KHDRBS2: variants seen among roughly 807,000 people sequenced by gnomAD.
The protein encoded by KHDRBS2 is KH domain-containing, RNA-binding, signal transduction-associated protein 2.
A neutral mutation model predicts 44.3 loss-of-function variants in KHDRBS2; 26 were observed. The ratio of observed to expected loss-of-function variants is 0.59; its 90% CI spans 0.43 to 0.81. KHDRBS2 has a LOEUF of 0.81. Ranked by LOEUF, KHDRBS2 falls within the 40% of genes least tolerant of loss-of-function variation. The pLI, the probability that KHDRBS2 is intolerant of heterozygous loss-of-function variation, is 0.00. For missense variants in KHDRBS2, 476 were observed against 433.1 expected, an observed-to-expected ratio of 1.10 and a Z score of -0.88; for synonymous variants, 194 against 151.1, an observed-to-expected ratio of 1.28 and a Z score of -2.08.
intron 3 of KHDRBS2, among the ~76,000 whole-genome samples, chr6:62,029,790 T>A (rs1288439996): frequency 6.6e-6 from 1 of 152,010 alleles, no homozygotes; most frequent in Non-Finnish European, 1.5e-5. Context: ...GAAGCACTTA[T>A]ATAAGACATT....
chr6:61,880,667 G>A (rs1450269974), intron 6 of KHDRBS2, among the ~76,000 whole-genome samples: 1 of 151,782 alleles, frequency 6.6e-6, no homozygotes, highest in Non-Finnish European at 1.5e-5. Context: ...AATGAGTAAG[G>A]AGCTACTTTT....
chr6:62,215,254 C>G (rs1484744061), intron 1 of KHDRBS2, among the ~76,000 whole-genome samples: 5 of 151,908 alleles, frequency 3.3e-5, no homozygotes, highest in Non-Finnish European at 5.9e-5. Context: ...CCCCCCTCAC[C>G]TACCCACATG....
intron 3 of KHDRBS2, among the ~76,000 whole-genome samples, chr6:61,998,996 C>A (rs1470265034): frequency 6.6e-6 from 1 of 151,940 alleles, no homozygotes; most frequent in Non-Finnish European, 1.5e-5. Flanking sequence ...TTTGTGTTTT[C>A]TTTGCCTACA....
rs1408778899 is a variant in KHDRBS2 at position 61,848,523 on chromosome 6, A to ACG, written c.810+46111_810+46112insCG. Reference sequence around the variant, plus strand: ...TATATATATATATGTATATATGTATATATATATACATATATATGTATATAT... The same window carrying ACG: ...TATATATATATATGTATATATGTATACGTATATATACATATATATGTATATAT... On this transcript the variant is annotated intron_variant, in intron 6 of 8. Transcript: ENST00000281156. Among the ~76,000 whole-genome samples the ACG allele has an allele frequency of 1.0e-4, 6 of 57,942 alleles. No homozygotes were observed. The South Asian group carries it at 2.9e-3, about 28-fold the overall frequency. The allele number at this position is 57,942 out of a possible 152,430, so 38.0% of individuals were successfully genotyped here.
intron 6 of KHDRBS2, among the ~76,000 whole-genome samples, chr6:61,768,820 G>T (rs1332832452): frequency 6.6e-6 from 1 of 151,978 alleles, no homozygotes; most frequent in African/African-American, 2.4e-5. Flanking sequence ...TGATTTTTTG[G>T]TCTTATAAAA....
At chr6:61,584,960 A>AT in the KHDRBS2 span, among the ~76,000 whole-genome samples, 13 of 151,812 alleles carry the variant, frequency 8.6e-5, no homozygotes, top group Admixed American at 1.3e-4. Flanking sequence ...GACACTTGAG[A>AT]TTTTTTCTAT....
At chr6:61,894,538 T>C (rs1802553992) in intron 6 of KHDRBS2, 97 bp downstream of exon 6, 1 of 930,066 alleles carries the variant, frequency 1.1e-6, no homozygotes, top group African/African-American at 1.7e-5. Flanking sequence ...CAACAAACAT[T>C]ACCTGCTATA....
chr6:61,863,856 T>A lies in KHDRBS2; in HGVS notation c.810+30779A>T, dbSNP rs575047128. Among the ~76,000 whole-genome samples, 16 of 152,326 alleles carry A rather than the reference T, an allele frequency of 1.1e-4. No homozygotes were observed. In the East Asian group the frequency reaches 3.1e-3, roughly 29 times the overall value. On this transcript the variant is annotated intron_variant, in intron 6 of 8. Transcript: ENST00000281156. ...TATCTTTGCTAATGTTCAGACTCAA[T>A]GATCTGTCTAACATTGTTAGTAGGA...
At chr6:61,583,136 C>T in the KHDRBS2 span, among the ~76,000 whole-genome samples, 1 of 151,800 alleles carries the variant, frequency 6.6e-6, no homozygotes, top group South Asian at 2.1e-4. Flanking sequence ...TCTGTCATGC[C>T]CTTTTTCAAT....
chr6:61,557,982 C>T, the KHDRBS2 span, among the ~76,000 whole-genome samples: 1 of 152,088 alleles, frequency 6.6e-6, no homozygotes, highest in Non-Finnish European at 1.5e-5. Context: ...GTTGTAATGT[C>T]TCCTTTCTAA....
chr6:61,672,599 A>G, the KHDRBS2 span, among the ~76,000 whole-genome samples: 1 of 151,836 alleles, frequency 6.6e-6, no homozygotes, highest in Non-Finnish European at 1.5e-5. Context: ...ATGGCCAGTG[A>G]TGGTGAGCAT....
chr6:62,010,043 C>A (rs1037122935), intron 3 of KHDRBS2, among the ~76,000 whole-genome samples: 4 of 152,086 alleles, frequency 2.6e-5, no homozygotes, highest in Admixed American at 2.0e-4. Flanking sequence ...ACAGCTTGTA[C>A]CATGAGCCTG....
chr6:61,596,398 G>T, the KHDRBS2 span, among the ~76,000 whole-genome samples: 11 of 152,010 alleles, frequency 7.2e-5, no homozygotes, highest in African/African-American at 2.7e-4. Context: ...TTTTAAATTA[G>T]CTGTATTTAC....
chr6:62,246,130 AT>A (rs1835531354), intron 1 of KHDRBS2, among the ~76,000 whole-genome samples: 1 of 136,956 alleles, frequency 7.3e-6, no homozygotes, highest in South Asian at 2.4e-4. Flanking sequence ...ATATATATAT[AT>A]ATATAATCAA....
chr6:61,572,256 T>A, the KHDRBS2 span, among the ~76,000 whole-genome samples: 1 of 152,076 alleles, frequency 6.6e-6, no homozygotes, highest in Non-Finnish European at 1.5e-5. Context: ...CCAACTCTCC[T>A]AGATTAAATA....
chr6:62,189,722 TA>T (rs1824202670), intron 1 of KHDRBS2, among the ~76,000 whole-genome samples: 2 of 152,160 alleles, frequency 1.3e-5, no homozygotes, highest in Admixed American at 1.3e-4. Flanking sequence ...TTGCTGTAGA[TA>T]GAATGGAAGT....
At chr6:62,110,357 A>G (rs1257304840) in intron 2 of KHDRBS2, among the ~76,000 whole-genome samples, 2 of 152,048 alleles carry the variant, frequency 1.3e-5, no homozygotes, top group Non-Finnish European at 2.9e-5. Context: ...ATCTGTACCC[A>G]TACAAAGACT....
intron 2 of KHDRBS2, among the ~76,000 whole-genome samples, chr6:62,149,815 CTCTA>C (rs1487193519): frequency 3.3e-5 from 5 of 152,242 alleles, no homozygotes; most frequent in East Asian, 1.9e-4. Context: ...TGGTGATGCA[CTCTA>C]TCTTTCACCA....
At chr6:61,943,546 A>G (rs1812579301) in intron 4 of KHDRBS2, among the ~76,000 whole-genome samples, 1 of 152,274 alleles carries the variant, frequency 6.6e-6, no homozygotes, top group East Asian at 1.9e-4. Context: ...AAGTTATAAA[A>G]CTACTGAAGA....
Sources: allele counts gnomAD v4.1 joint callset (sites outside exome capture counted in the v4.1 genomes callset), GRCh38; gene constraint gnomAD v4.1.1; transcripts MANE v1.5; gene names NCBI Gene and HGNC (gene_info 2026-07-23, HGNC 2026-07-21).